The following APBB1IP variants were observed in gnomAD, a reference collection of about 807,000 sequenced individuals.
APBB1IP encodes the protein amyloid beta precursor protein binding family B member 1 interacting protein, also known as amyloid beta A4 precursor protein-binding family B member 1-interacting protein.
APBB1IP carries 27 observed loss-of-function variants against 64.9 expected under a neutral mutation model. The ratio of observed to expected loss-of-function variants is 0.42; its 90% CI spans 0.31 to 0.57. The LOEUF (loss-of-function observed/expected upper bound fraction) is 0.57, where lower values mean the gene tolerates loss of function less well. Among genes scored for constraint, APBB1IP ranks in the 20% least tolerant of loss-of-function variants. APBB1IP has a pLI of 0.20. For missense variants in APBB1IP, 812 were observed against 845.5 expected, an observed-to-expected ratio of 0.96 and a Z score of 0.49; for synonymous variants, 392 against 331.0, an observed-to-expected ratio of 1.18 and a Z score of -2.00.
intron 2 of APBB1IP, among the ~76,000 whole-genome samples, chr10:26,475,281 C>A (rs1467802687): frequency 6.6e-6 from 1 of 152,126 alleles, no homozygotes; most frequent in African/African-American, 2.4e-5. Context: ...TGCCACCACA[C>A]CCAGCTGATT....
intron 2 of APBB1IP, among the ~76,000 whole-genome samples, chr10:26,475,249 A>G (rs1434432115): frequency 6.6e-6 from 1 of 151,264 alleles, no homozygotes. Context: ...CAGCCTCCCA[A>G]GCATCTGGGA....
At chr10:26,523,847 C>A (rs144668913) in intron 8 of APBB1IP, among the ~76,000 whole-genome samples, 2 of 152,096 alleles carry the variant, frequency 1.3e-5, no homozygotes, top group African/African-American at 4.8e-5. Context: ...AAAAGAAAGA[C>A]CCTGGCCTTG....
At chr10:26,480,277 G>T (rs1206915591) in intron 2 of APBB1IP, among the ~76,000 whole-genome samples, 2 of 152,162 alleles carry the variant, frequency 1.3e-5, no homozygotes, top group Non-Finnish European at 2.9e-5. Context: ...TAGGAACCCT[G>T]ACCCAGGTGA....
chr10:26,456,766 CTGTT>C lies in APBB1IP; in HGVS notation c.-1+17916_-1+17919del, dbSNP rs1377610086. On this transcript the variant is annotated intron_variant, in intron 2 of 14. Coordinates refer to ENST00000376236, the MANE Select transcript of APBB1IP (RefSeq NM_019043.4). ...AAAAAAAAAAAAAAAAAAGGAGAGA[CTGTT>C]TGAGCCTGTGTAGGCATATGAAAAA... Among the ~76,000 whole-genome samples, 131 of 136,824 alleles carry C rather than the reference CTGTT, an allele frequency of 9.6e-4. 2 individuals carry two copies. The South Asian group carries it at 0.029, about 30-fold the overall frequency. The allele number at this position is 136,824 out of a possible 152,430, so 89.8% of individuals were successfully genotyped here.
At chr10:26,460,664 G>A (rs1220226760) in intron 2 of APBB1IP, among the ~76,000 whole-genome samples, 1 of 152,150 alleles carries the variant, frequency 6.6e-6, no homozygotes, top group Non-Finnish European at 1.5e-5. Context: ...CATGGATGGA[G>A]CTGGAAGCCA....
At chr10:26,556,360 C>T (rs568106282) in intron 11 of APBB1IP, among the ~76,000 whole-genome samples, 11 of 152,290 alleles carry the variant, frequency 7.2e-5, no homozygotes, top group African/African-American at 2.6e-4. Flanking sequence ...CCAAGGGAGC[C>T]AGAAAGGAGC....
chr10:26,513,436 C>A (rs1174488810), intron 7 of APBB1IP, 103 bp from the exon 8 acceptor site: 8 of 1,272,192 alleles, frequency 6.3e-6, no homozygotes, highest in Non-Finnish European at 8.9e-6. Flanking sequence ...GAATCCCAGG[C>A]ACCTGATGAA....
At chr10:26,470,287 A>T (rs1337486861) in intron 2 of APBB1IP, among the ~76,000 whole-genome samples, 1 of 152,246 alleles carries the variant, frequency 6.6e-6, no homozygotes, top group Non-Finnish European at 1.5e-5. Context: ...CTGTAATCCC[A>T]GCACTTTGGG....
intron 14 of APBB1IP, among the ~76,000 whole-genome samples, chr10:26,566,398 G>A (rs1539407): frequency 0.21 from 31,253 of 152,004 alleles, 3,432 homozygotes; most frequent in Admixed American, 0.31. Context: ...GGGACTACGG[G>A]CGTCTGCCAC....
At chr10:26,547,314 G>A (rs895505588) in intron 11 of APBB1IP, among the ~76,000 whole-genome samples, 1 of 152,170 alleles carries the variant, frequency 6.6e-6, no homozygotes, top group African/African-American at 2.4e-5. Context: ...TTAGTCAAAT[G>A]TATAATTTGC....
intron 6 of APBB1IP, among the ~76,000 whole-genome samples, chr10:26,506,187 A>T (rs551580523): frequency 6.6e-5 from 9 of 135,534 alleles, no homozygotes; most frequent in Admixed American, 6.3e-4. Context: ...ACACATCCCC[A>T]GTATTCCCAA....
rs1217003355 is a variant in APBB1IP at position 26,500,839 on chromosome 10, G to A, written c.181G>A (p.Asp61Asn). Residue 61 changes from aspartate (D) to asparagine (N), a missense_variant, in exon 5 of 15, where the codon GAC (aspartate) becomes AAC (asparagine). Asp to Asn is a conservative substitution (Grantham distance 23). Transcript: ENST00000376236. Reference protein sequence around the residue: ...DLNESLNALEDQDLDALMADL... With the variant: ...DLNESLNALENQDLDALMADL... ...ACTAGAGTCCTTAAATGCACTGGAA[G>A]ACCAAGATTTAGATGCTCTCATGGC... is the stretch of plus-strand genomic sequence containing the variant. 2.5e-6 allele frequency: 4 copies of A among 1,613,730 alleles called. No homozygotes were observed. Among genetic ancestry groups the A allele is most frequent in the Non-Finnish European group, 3.4e-6 (4 of 1,179,672 alleles).
At chr10:26,445,869 A>G (rs1266458255) in intron 2 of APBB1IP, among the ~76,000 whole-genome samples, 1 of 145,328 alleles carries the variant, frequency 6.9e-6, no homozygotes, top group Non-Finnish European at 1.5e-5. Flanking sequence ...GTTAAGAAGT[A>G]ATTACTAACA....
chr10:26,567,803 A>T lies in APBB1IP; in HGVS notation c.*315A>T, dbSNP rs899896704. ...AATAAAAGTTAAACGTTTTTCCGGA[A>T]GACGGTATTTCTAGAAAGATTATTG... On this transcript the variant is annotated 3_prime_UTR_variant, in exon 15 of 15. Coordinates refer to ENST00000376236, the MANE Select transcript of APBB1IP (RefSeq NM_019043.4). 9 of 345,616 alleles carry T rather than the reference A, an allele frequency of 2.6e-5. No homozygotes were observed. The highest frequency in any genetic ancestry group is 4.4e-5 in the Non-Finnish European group (9 of 202,490). 21.4% of individuals were successfully genotyped at this position (345,616 alleles called of 1,614,324 possible).
At chr10:26,468,819 C>T (rs565393788) in intron 2 of APBB1IP, among the ~76,000 whole-genome samples, 11 of 152,202 alleles carry the variant, frequency 7.2e-5, no homozygotes, top group East Asian at 3.9e-4. Context: ...AGGAACCCTC[C>T]GATGTCACTG....
intron 2 of APBB1IP, among the ~76,000 whole-genome samples, chr10:26,473,398 C>T (rs953849410): frequency 5.1e-4 from 78 of 152,296 alleles, no homozygotes; most frequent in African/African-American, 1.8e-3. Context: ...TCTTAATTGG[C>T]TGGCCTGTCC....
chr10:26,451,469 A>G (rs1421056914), intron 2 of APBB1IP, among the ~76,000 whole-genome samples: 1 of 152,208 alleles, frequency 6.6e-6, no homozygotes, highest in Admixed American at 6.5e-5. Flanking sequence ...TCTGTGCTTT[A>G]CTTAAGATCT....
chr10:26,462,805 A>G (rs572200983), intron 2 of APBB1IP, among the ~76,000 whole-genome samples: 1 of 152,144 alleles, frequency 6.6e-6, no homozygotes, highest in South Asian at 2.1e-4. Flanking sequence ...CATCCACTCA[A>G]TTTCCTCTGG....
chr10:26,454,494 T>A (rs1167783102), intron 2 of APBB1IP, among the ~76,000 whole-genome samples: 1 of 150,898 alleles, frequency 6.6e-6, no homozygotes, highest in Non-Finnish European at 1.5e-5. Context: ...TCGAAAAAAA[T>A]AAATAAATAA....
Sources: allele counts gnomAD v4.1 joint callset (sites outside exome capture counted in the v4.1 genomes callset), GRCh38; gene constraint gnomAD v4.1.1; transcripts MANE v1.5; gene names NCBI Gene and HGNC (gene_info 2026-07-23, HGNC 2026-07-21).